GNAI1: variants seen among roughly 807,000 people sequenced by gnomAD.
GNAI1 encodes G protein subunit alpha i1.
A neutral mutation model predicts 38.9 loss-of-function variants in GNAI1; 11 were observed. That is an observed-to-expected ratio of 0.28 (90% CI 0.18 to 0.47). GNAI1 has a LOEUF of 0.47. Among genes scored for constraint, GNAI1 ranks in the 20% least tolerant of loss-of-function variants. GNAI1 has a pLI of 0.99. For synonymous variants in GNAI1, 166 were observed against 145.1 expected (o/e 1.14, Z -1.04); for missense variants, 317 against 436.9 (o/e 0.73, Z 2.45).
chr7:80,212,308 T>A (rs1788888749), intron 6 of GNAI1, among the ~76,000 whole-genome samples: 1 of 152,196 alleles, frequency 6.6e-6, no homozygotes, highest in South Asian at 2.1e-4. Context: ...ATTGGGCTAA[T>A]TGGGTCTTAG....
At chr7:80,198,508 A>G (rs1416553739) in intron 3 of GNAI1, among the ~76,000 whole-genome samples, 1 of 152,192 alleles carries the variant, frequency 6.6e-6, no homozygotes, top group East Asian at 1.9e-4. Context: ...AATTAACTTT[A>G]TATAAAGTAT....
intron 1 of GNAI1, among the ~76,000 whole-genome samples, chr7:80,175,681 A>T (rs185922440): frequency 6.6e-6 from 1 of 151,956 alleles, no homozygotes; most frequent in African/African-American, 2.4e-5. Flanking sequence ...AGTTCTTACA[A>T]TATTTCAGAT....
intron 1 of GNAI1, among the ~76,000 whole-genome samples, chr7:80,182,633 T>G (rs1788314743): frequency 6.6e-6 from 1 of 152,132 alleles, no homozygotes; most frequent in African/African-American, 2.4e-5. Flanking sequence ...AAAAACAAAA[T>G]CTCCCAACCC....
At chr7:80,139,643 A>G (rs375828034) in intron 1 of GNAI1, among the ~76,000 whole-genome samples, 1 of 152,208 alleles carries the variant, frequency 6.6e-6, no homozygotes, top group Non-Finnish European at 1.5e-5. Flanking sequence ...CTGGAATATA[A>G]ACTTTGTGCT....
chr7:80,189,355 A>ATAGAAGTGAGTGAAATGAGGAGCGT (rs1236921450), intron 3 of GNAI1, 124 bp downstream of exon 3: 1 of 794,608 alleles, frequency 1.3e-6, no homozygotes, highest in Admixed American at 2.8e-5. Context: ...AACCAAAAGG[A>ATAGAAGTGAGTGAAATGAGGAGCGT]TAGAAGTGAG....
chr7:80,192,029 T>C (rs1788488996), intron 3 of GNAI1, among the ~76,000 whole-genome samples: 1 of 152,240 alleles, frequency 6.6e-6, no homozygotes, highest in South Asian at 2.1e-4. Flanking sequence ...TAGTTTTCAC[T>C]CATTTCTGTT....
intron 1 of GNAI1, among the ~76,000 whole-genome samples, chr7:80,159,875 T>C (rs558088826): frequency 6.6e-6 from 1 of 152,254 alleles, no homozygotes; most frequent in Admixed American, 6.5e-5. Context: ...GGAAAACACA[T>C]CTCATAGGGA....
At chr7:80,209,916 G>A (rs1788844871) in intron 5 of GNAI1, among the ~76,000 whole-genome samples, 1 of 152,090 alleles carries the variant, frequency 6.6e-6, no homozygotes, top group African/African-American at 2.4e-5. Context: ...AATGAACAAT[G>A]GTACCAGCTA....
At chr7:80,163,290 G>A (rs17806203) in intron 1 of GNAI1, among the ~76,000 whole-genome samples, 21,185 of 152,180 alleles carry the variant, frequency 0.14, 1,696 homozygotes, top group South Asian at 0.24. Flanking sequence ...ACCTCAGCAT[G>A]CATACTACTA....
Position 80,222,161 on chromosome 7 carries a change from A to T in GNAI1, c.*4668A>T, listed in dbSNP as rs934981335. ...ACATTTCATCAAGTCCAGAGGCCAGAGACACCCAAATATGCACAGACAGGA... is the reference window on the plus strand; with the variant it reads ...ACATTTCATCAAGTCCAGAGGCCAGTGACACCCAAATATGCACAGACAGGA... On this transcript the variant is annotated 3_prime_UTR_variant, in exon 8 of 8. Transcript: ENST00000649796. Among the ~76,000 whole-genome samples the T allele has an allele frequency of 1.3e-5, 2 of 152,116 alleles. No individual in the cohort carries two copies. Among genetic ancestry groups the T allele is most frequent in the African/African-American group, 4.8e-5 (2 of 41,418 alleles).
chr7:80,167,361 GGTCA>G (rs1263528075), intron 1 of GNAI1, among the ~76,000 whole-genome samples: 24 of 152,140 alleles, frequency 1.6e-4, no homozygotes, highest in African/African-American at 5.8e-4. Flanking sequence ...TTAAGATGGT[GGTCA>G]GTGTCACAAA....
At chr7:80,180,337 G>C (rs1788270278) in intron 1 of GNAI1, among the ~76,000 whole-genome samples, 1 of 151,968 alleles carries the variant, frequency 6.6e-6, no homozygotes, top group South Asian at 2.1e-4. Context: ...GTGTGTGTGT[G>C]TGTGTGTGTG....
chr7:80,216,289 A>G (rs185792391), intron 7 of GNAI1, among the ~76,000 whole-genome samples: 1 of 150,866 alleles, frequency 6.6e-6, no homozygotes, highest in African/African-American at 2.4e-5. Context: ...AAGCCCCATC[A>G]TGCTTCCTCT....
At chr7:80,145,145 C>T (rs1787597035) in intron 1 of GNAI1, among the ~76,000 whole-genome samples, 1 of 152,096 alleles carries the variant, frequency 6.6e-6, no homozygotes, top group Admixed American at 6.6e-5. Context: ...GTGATAAAAT[C>T]CAAGTAATAC....
chr7:80,152,647 A>G (rs1584010984), intron 1 of GNAI1, among the ~76,000 whole-genome samples: 2 of 143,676 alleles, frequency 1.4e-5, no homozygotes, highest in Admixed American at 1.5e-4. Context: ...TTCAACCTCC[A>G]ACTTCCGGGT....
chr7:80,217,238 A>AGTTTCATATGTATGAACCTGAC, intron 7 of GNAI1, 65 bp from the exon 8 acceptor site: 3 of 323,780 alleles, frequency 9.3e-6, no homozygotes, highest in Non-Finnish European at 1.4e-5. Context: ...ATGAAACTGA[A>AGTTTCATATGTATGAACCTGAC]TTCAGTATTT....
chr7:80,165,006 C>G (rs1787988227), intron 1 of GNAI1, among the ~76,000 whole-genome samples: 1 of 152,118 alleles, frequency 6.6e-6, no homozygotes, highest in Non-Finnish European at 1.5e-5. Flanking sequence ...AAAGAGAAAG[C>G]TCAGACTTTA....
intron 3 of GNAI1, among the ~76,000 whole-genome samples, chr7:80,191,848 A>T (rs1788485472): frequency 6.6e-6 from 1 of 152,204 alleles, no homozygotes; most frequent in African/African-American, 2.4e-5. Context: ...ATCCGTTCAT[A>T]AGTGTCTGTT....
chr7:80,152,908 T>C (rs917903159), intron 1 of GNAI1, among the ~76,000 whole-genome samples: 3 of 151,924 alleles, frequency 2.0e-5, no homozygotes, highest in African/African-American at 7.3e-5. Flanking sequence ...GCATTATTTA[T>C]GGCTAAAAGA....
Sources: allele counts gnomAD v4.1 joint callset (sites outside exome capture counted in the v4.1 genomes callset), GRCh38; gene constraint gnomAD v4.1.1; transcripts MANE v1.5; gene names NCBI Gene and HGNC (gene_info 2026-07-23, HGNC 2026-07-21).